Variants in NTRK3 observed in about 807,000 individuals in gnomAD.
NTRK3 encodes the protein NT-3 growth factor receptor.
A neutral mutation model predicts 91.7 loss-of-function variants in NTRK3; 24 were observed. That is an observed-to-expected ratio of 0.26 (90% CI 0.19 to 0.37). NTRK3 has a LOEUF of 0.37. Among genes scored for constraint, NTRK3 ranks in the 10% least tolerant of loss-of-function variants. The pLI, the probability that NTRK3 is intolerant of heterozygous loss-of-function variation, is 1.00. For synonymous variants in NTRK3, 483 were observed against 404.0 expected (o/e 1.20, Z -2.34); for missense variants, 880 against 1,068.9 (o/e 0.82, Z 2.46).
chr15:88,168,051 C>A lies in NTRK3; in HGVS notation c.395+15367G>T, dbSNP rs547849372. On this transcript the variant is annotated intron_variant, in intron 5 of 18. Coordinates refer to ENST00000394480, the Ensembl canonical transcript of NTRK3. ...AGATGACTTGACCAAGATCTCGCAG[C>A]TGGTCAGCAAACAAGGTAGGAACAG... Among the ~76,000 whole-genome samples the A allele has an allele frequency of 1.4e-4, 21 of 152,222 alleles. 1 individual carries two copies. The highest frequency in any genetic ancestry group is 4.3e-4 in the African/African-American group (18 of 41,536).
chr15:88,153,466 G>A (rs1387219235), intron 5 of NTRK3, among the ~76,000 whole-genome samples: 2 of 152,032 alleles, frequency 1.3e-5, no homozygotes, highest in East Asian at 3.9e-4. Flanking sequence ...TGTTGGTCAG[G>A]CTGGTCTCAA....
intron 3 of NTRK3, among the ~76,000 whole-genome samples, chr15:88,188,473 T>G (rs1374850736): frequency 6.6e-6 from 1 of 152,172 alleles, no homozygotes; most frequent in African/African-American, 2.4e-5. Flanking sequence ...CCCCCACCGC[T>G]AAGAATCATC....
At chr15:88,210,641 T>C (rs1442782010) in intron 3 of NTRK3, among the ~76,000 whole-genome samples, 1 of 152,206 alleles carries the variant, frequency 6.6e-6, no homozygotes, top group East Asian at 1.9e-4. Flanking sequence ...CTGGAGCAAC[T>C]TGCCCCTGGT....
rs1194650738 is a variant in NTRK3, at chr15:88,240,806, G to A, written c.248+15100C>T. Among the ~76,000 whole-genome samples the A allele has an allele frequency of 1.3e-5, 2 of 152,264 alleles. No individual in the cohort carries two copies. Among genetic ancestry groups the A allele is most frequent in the African/African-American group, 4.8e-5 (2 of 41,474 alleles). Reference sequence around the variant, plus strand: ...GAGCAGTCATCACACAGCATTTGCTGTCACTGTGATGAGCTCAGTTTTCTC... The same window carrying A: ...GAGCAGTCATCACACAGCATTTGCTATCACTGTGATGAGCTCAGTTTTCTC... On this transcript the variant is annotated intron_variant, in intron 3 of 18. Coordinates refer to ENST00000394480, the Ensembl canonical transcript of NTRK3. This position sits in a 1 kb window ranked among gnomAD's most constrained non-coding sequence, Gnocchi z 4.9.
intron 13 of NTRK3, among the ~76,000 whole-genome samples, chr15:88,086,503 G>GTTTCTTTTTTTTTTTTT (rs2048511391): frequency 1.3e-5 from 2 of 151,374 alleles, no homozygotes; most frequent in African/African-American, 4.9e-5. Flanking sequence ...AATTTCACCT[G>GTTTCTTTTTTTTTTTTT]TTTATTTTAT....
intron 17 of NTRK3, among the ~76,000 whole-genome samples, chr15:87,924,716 T>A (rs553313702): frequency 6.6e-6 from 1 of 152,324 alleles, no homozygotes; most frequent in African/African-American, 2.4e-5. Context: ...TCTAGGTTTC[T>A]CTTGGTCTGG....
At chr15:88,069,718 C>T (rs1223999450) in intron 13 of NTRK3, among the ~76,000 whole-genome samples, 2 of 152,228 alleles carry the variant, frequency 1.3e-5, no homozygotes, top group Non-Finnish European at 2.9e-5. Context: ...TTCCAAACTG[C>T]CAGATGCCAG....
At chr15:88,132,898 G>C (rs2041503444) in intron 10 of NTRK3, among the ~76,000 whole-genome samples, 1 of 152,166 alleles carries the variant, frequency 6.6e-6, no homozygotes, top group African/African-American at 2.4e-5. Flanking sequence ...AATGACCTCA[G>C]GTGAGGTGCT....
intron 3 of NTRK3, among the ~76,000 whole-genome samples, chr15:88,192,423 C>T (rs555714982): frequency 8.4e-4 from 128 of 152,260 alleles, no homozygotes; most frequent in African/African-American, 3.0e-3. Context: ...GATGGCAACC[C>T]CAGCTTGCCT....
chr15:88,230,176 T>C (rs2051058095), intron 3 of NTRK3, among the ~76,000 whole-genome samples: 1 of 152,262 alleles, frequency 6.6e-6, no homozygotes, highest in Admixed American at 6.5e-5. Flanking sequence ...TTAAATTAAA[T>C]TAAAGTCACT....
In NTRK3 at chr15:87,954,007, AGTGTGTGTGTGTGTGTGTGTGTGT is replaced by A. The variant is rs61653896; in HGVS notation, c.1586-13278_1586-13255del. ...TGCTCTGCTCCTGCCAGACCTTTTC[AGTGTGTGTGTGTGTGTGTGTGTGT>A]GTGTGTGTGTGTGTGTGTGTGTGTG... On this transcript the variant is annotated intron_variant, in intron 14 of 18. Transcript: ENST00000394480. 5.3e-3 allele frequency among the ~76,000 whole-genome samples: 674 copies of A among 127,746 alleles called. 4 individuals are homozygous for A. The highest frequency in any genetic ancestry group is 0.019 in the African/African-American group (647 of 34,598). The allele number at this position is 127,746 out of a possible 152,430, so 83.8% of individuals were successfully genotyped here.
chr15:87,959,606 G>A (rs1422936167), intron 14 of NTRK3, among the ~76,000 whole-genome samples: 2 of 152,138 alleles, frequency 1.3e-5, no homozygotes, highest in African/African-American at 4.8e-5. Flanking sequence ...ATACCTAAAC[G>A]TTTAAAGTTA....
At chr15:88,161,312 G>A (rs1467391842) in intron 5 of NTRK3, among the ~76,000 whole-genome samples, 1 of 152,160 alleles carries the variant, frequency 6.6e-6, no homozygotes, top group African/African-American at 2.4e-5. Context: ...CTGCTGTGTG[G>A]GGGAAGCCAG....
intron 6 of NTRK3, among the ~76,000 whole-genome samples, chr15:88,138,412 G>A (rs1052890349): frequency 1.3e-5 from 2 of 151,814 alleles, no homozygotes; most frequent in Non-Finnish European, 2.9e-5. Flanking sequence ...TCTGTCTCAA[G>A]AAAAAAGAAA....
intron 14 of NTRK3, among the ~76,000 whole-genome samples, chr15:87,960,739 C>T (rs1326289056): frequency 6.6e-6 from 1 of 152,130 alleles, no homozygotes. Flanking sequence ...CCTGCCTTGG[C>T]CTCCAAAAGT....
chr15:88,126,875 A>C (rs952510713), intron 12 of NTRK3, among the ~76,000 whole-genome samples: 1 of 152,148 alleles, frequency 6.6e-6, no homozygotes, highest in African/African-American at 2.4e-5. Flanking sequence ...CTTTTGTAGG[A>C]AACTTGTACA....
chr15:88,171,051 G>A (rs961391871), intron 5 of NTRK3, among the ~76,000 whole-genome samples: 3 of 152,106 alleles, frequency 2.0e-5, no homozygotes, highest in Admixed American at 2.0e-4. Context: ...AAAGCCAAAG[G>A]CAACCACATT....
chr15:88,146,872 G>T (rs1381178246), intron 6 of NTRK3, among the ~76,000 whole-genome samples: 1 of 152,082 alleles, frequency 6.6e-6, no homozygotes, highest in Admixed American at 6.5e-5. Flanking sequence ...TCTTAGTTGA[G>T]TCTCACGTGT....
chr15:87,912,157 C>G (rs962880677), intron 17 of NTRK3, among the ~76,000 whole-genome samples: 6 of 152,210 alleles, frequency 3.9e-5, no homozygotes, highest in African/African-American at 1.4e-4. Context: ...AGCCGAAAAT[C>G]TCTAAATTAA....
Sources: allele counts gnomAD v4.1 joint callset (sites outside exome capture counted in the v4.1 genomes callset), GRCh38; gene constraint gnomAD v4.1.1; non-coding constraint Gnocchi (gnomAD v3.1); transcripts MANE v1.5; gene names NCBI Gene and HGNC (gene_info 2026-07-23, HGNC 2026-07-21).